CBL: variants seen among roughly 807,000 people sequenced by gnomAD.
CBL encodes E3 ubiquitin-protein ligase CBL.
Under a neutral mutation model 96.9 loss-of-function variants are expected in CBL, and 45 were observed. The observed-to-expected ratio is 0.46, with a 90% CI of 0.37 to 0.60. CBL has a LOEUF of 0.60. CBL is among the 20% of genes least tolerant of loss of function. The pLI is 0.00. For missense variants in CBL, 1,024 were observed against 1,143.5 expected (o/e 0.90, Z 1.51); for synonymous variants, 420 against 426.8 (o/e 0.98, Z 0.20).
chr11:119,237,054 T>C (rs1330839197), intron 2 of CBL, among the ~76,000 whole-genome samples: 1 of 152,216 alleles, frequency 6.6e-6, no homozygotes, highest in Non-Finnish European at 1.5e-5. Context: ...ATGCAAAGCA[T>C]CCCTTTGTAC....
At chr11:119,215,069 T>C (rs1949348029) in intron 1 of CBL, among the ~76,000 whole-genome samples, 1 of 152,126 alleles carries the variant, frequency 6.6e-6, no homozygotes. Context: ...ATGTAAAACA[T>C]GAGCCGGTTG....
chr11:119,257,902 G>A (rs1949722945), intron 2 of CBL, among the ~76,000 whole-genome samples: 1 of 152,084 alleles, frequency 6.6e-6, no homozygotes, highest in East Asian at 1.9e-4. Flanking sequence ...CTGTTCCATT[G>A]GTGTATTAGT....
intron 1 of CBL, among the ~76,000 whole-genome samples, chr11:119,230,234 C>T (rs1457970082): frequency 6.6e-6 from 1 of 151,618 alleles, no homozygotes; most frequent in Non-Finnish European, 1.5e-5. Flanking sequence ...TCACTGCAAG[C>T]TCCGCCTCCT....
At chr11:119,255,902 TAA>T (rs925181204) in intron 2 of CBL, among the ~76,000 whole-genome samples, 1 of 144,978 alleles carries the variant, frequency 6.9e-6, no homozygotes, top group Non-Finnish European at 1.5e-5. Context: ...ATTTATACTT[TAA>T]AAAAAAAAAA....
intron 1 of CBL, among the ~76,000 whole-genome samples, chr11:119,229,783 A>G (rs960745234): frequency 8.6e-5 from 13 of 151,482 alleles, no homozygotes; most frequent in African/African-American, 1.9e-4. Flanking sequence ...GCTGGAGGGC[A>G]GTGGCATGGT....
At chr11:119,231,206 C>G (rs549244852) in intron 1 of CBL, among the ~76,000 whole-genome samples, 1 of 152,012 alleles carries the variant, frequency 6.6e-6, no homozygotes, top group East Asian at 1.9e-4. Context: ...CATTCGAGAC[C>G]AGCCTGGCCA....
chr11:119,211,093 T>G (rs1296561415), intron 1 of CBL, among the ~76,000 whole-genome samples: 1 of 152,080 alleles, frequency 6.6e-6, no homozygotes, highest in Non-Finnish European at 1.5e-5. Context: ...TATTGTAGGC[T>G]GGGCGCGGTG....
At chr11:119,224,277 T>C (rs1433648558) in intron 1 of CBL, among the ~76,000 whole-genome samples, 2 of 152,212 alleles carry the variant, frequency 1.3e-5, no homozygotes, top group African/African-American at 4.8e-5. Context: ...ATACAGGTTT[T>C]AGTTTAGTTT....
At chr11:119,243,762 CTT>C (rs1236462365) in intron 2 of CBL, among the ~76,000 whole-genome samples, 1 of 151,230 alleles carries the variant, frequency 6.6e-6, no homozygotes, top group Non-Finnish European at 1.5e-5. Context: ...GGCAGGGTCT[CTT>C]GTCACCCAGG....
In CBL at chr11:119,278,605, C is replaced by T. The variant is rs1044787155; in HGVS notation, c.1323C>T (p.Ser441=). 3 of 1,613,978 alleles carry T rather than the reference C, an allele frequency of 1.9e-6. No individual in the cohort carries two copies. Among genetic ancestry groups the T allele is most frequent in the African/African-American group, 2.7e-5 (2 of 74,980 alleles). Residue 441 remains serine (S), a synonymous_variant, in exon 9 of 16, where the codon AGC becomes AGT. Coordinates refer to ENST00000264033, the MANE Select transcript of CBL (RefSeq NM_005188.4). ...CGTTTGATCCTAGAGGGAGTGGCAGCCTGTTGAGGCAAGGAGCAGAGGGAG... is the reference window on the plus strand; with the variant it reads ...CGTTTGATCCTAGAGGGAGTGGCAGTCTGTTGAGGCAAGGAGCAGAGGGAG... ...VDPFDPRGSG[S]LLRQGAEGAP...
intron 2 of CBL, among the ~76,000 whole-genome samples, chr11:119,243,129 T>C (rs537654418): frequency 4.6e-5 from 7 of 152,066 alleles, no homozygotes; most frequent in African/African-American, 1.2e-4. Context: ...AATACAAAAA[T>C]TAGCTGTGTG....
rs1293567413 is a variant in CBL at position 119,300,796 on chromosome 11, G to C, written c.*1015G>C. 7.9e-6 allele frequency: 3 copies of C among 379,298 alleles called. No individual in the cohort carries two copies. Among genetic ancestry groups the C allele is most frequent in the African/African-American group, 6.2e-5 (3 of 48,284 alleles). 23.5% of individuals were successfully genotyped at this position (379,298 alleles called of 1,614,324 possible). ...CATGAGTCTTTCTACTTAATGGGAA[G>C]GGAAGAACATTTGTTTCCAGGATGA... On this transcript the variant is annotated 3_prime_UTR_variant, in exon 16 of 16. Coordinates refer to ENST00000264033, the MANE Select transcript of CBL (RefSeq NM_005188.4).
At chr11:119,248,794 CA>C (rs1190192427) in intron 2 of CBL, among the ~76,000 whole-genome samples, 1 of 152,114 alleles carries the variant, frequency 6.6e-6, no homozygotes, top group Non-Finnish European at 1.5e-5. Flanking sequence ...AACAACAAAA[CA>C]AACCAATTCA....
chr11:119,263,867 T>C (rs1565868114), intron 2 of CBL, among the ~76,000 whole-genome samples: 1 of 152,206 alleles, frequency 6.6e-6, no homozygotes, highest in African/African-American at 2.4e-5. Context: ...AGTGTTTGGA[T>C]ATAAGGTTTC....
chr11:119,285,475 G>T lies in CBL; in HGVS notation c.1850G>T (p.Arg617Leu), dbSNP rs780457588. The T allele has an allele frequency of 1.7e-5, 27 of 1,613,944 alleles. No individual in the cohort carries two copies. Among genetic ancestry groups the T allele is most frequent in the Non-Finnish European group, 2.3e-5 (27 of 1,180,018 alleles). Residue 617 changes from arginine (R) to leucine (L), a missense_variant, in exon 11 of 16, where the codon CGG becomes CTG. Coordinates refer to ENST00000264033, the MANE Select transcript of CBL (RefSeq NM_005188.4). Reference protein sequence around the residue: ...DPWTGRELTNRHSLPFSLPSQ... With the variant: ...DPWTGRELTNLHSLPFSLPSQ... ...TGGACAGGAAGAGAATTAACCAACC[G>T]GCACTCACTTCCATTTTCATTGCCC...
At position 119,307,283 on chromosome 11, in the gene CBL, A is replaced by G. The variant is rs1709616225; in HGVS notation, c.*7502A>G. 4.3e-6 allele frequency: 1 copy of G among 232,696 alleles called. No homozygotes were observed. 14.4% of individuals were successfully genotyped at this position (232,696 alleles called of 1,614,324 possible). ...AGAATGTTTCACAATTCCCAGGTAA[A>G]CTCTGGACCATTCCAAGTGTCCTAG... On this transcript the variant is annotated 3_prime_UTR_variant, in exon 16 of 16. Transcript: ENST00000264033.
At chr11:119,286,156 T>C (rs1949983259) in intron 11 of CBL, among the ~76,000 whole-genome samples, 1 of 152,038 alleles carries the variant, frequency 6.6e-6, no homozygotes, top group African/African-American at 2.4e-5. Context: ...AAAAATTAAC[T>C]GGGCCTGGTG....
rs1950085293 is a variant in CBL, at chr11:119,299,504, A to C, written c.2444A>C (p.Glu815Ala). 1 of 1,614,146 alleles carries C rather than the reference A, an allele frequency of 6.2e-7. No homozygotes were observed. The highest frequency in any genetic ancestry group is 8.5e-7 in the Non-Finnish European group (1 of 1,179,964). ...TTCCTATTTCTTCTAGATGTCACTG[A>C]AGGTTCCCAAGTTCCCGAGAGGCCT... is the stretch of plus-strand genomic sequence containing the variant. Reference protein sequence around the residue: ...LDGDPTTNVTEGSQVPERPPK... With the variant: ...LDGDPTTNVTAGSQVPERPPK... Residue 815 changes from glutamate (E) to alanine (A), a missense_variant, in exon 16 of 16, where the codon GAA becomes GCA. By Grantham distance (107) the Glu-to-Ala change is moderately radical (BLOSUM62 -1). Around this residue, in one of 4 missense-constraint regions of CBL, gnomAD observed 695 missense variants for 661.6 expected, o/e 1.05. Coordinates refer to ENST00000264033, the MANE Select transcript of CBL (RefSeq NM_005188.4).
chr11:119,277,887 C>CT, intron 7 of CBL, 43 bp downstream of exon 7: 1 of 1,275,858 alleles, frequency 7.8e-7, no homozygotes, highest in Non-Finnish European at 1.1e-6. Context: ...TGGACACAAG[C>CT]TTTAGTATAT....
Sources: gnomAD v4.1 joint callset for allele counts (sites outside exome capture counted in the v4.1 genomes callset) on GRCh38, gnomAD v4.1.1 for gene constraint, gnomAD v4.1.1 regional missense constraint, MANE v1.5 for transcripts, NCBI Gene and HGNC (gene_info 2026-07-23, HGNC 2026-07-21) for gene names.